The following NCALD variants were observed in gnomAD, a reference collection of about 807,000 sequenced individuals.
NCALD encodes neurocalcin delta, also known as neurocalcin-delta.
NCALD carries 10 observed loss-of-function variants against 18.6 expected under a neutral mutation model. That is an observed-to-expected ratio of 0.54 (90% CI 0.33 to 0.91). The LOEUF (loss-of-function observed/expected upper bound fraction) is 0.91, where lower values mean the gene tolerates loss of function less well. NCALD is among the 40% of genes least tolerant of loss of function. NCALD has a pLI of 0.03. For synonymous variants in NCALD, 88 were observed against 87.4 expected (o/e 1.01, Z -0.04); for missense variants, 184 against 247.6 (o/e 0.74, Z 1.72).
chr8:101,777,838 T>G (rs891342380), intron 1 of NCALD, among the ~76,000 whole-genome samples: 1 of 152,108 alleles, frequency 6.6e-6, no homozygotes, highest in African/African-American at 2.4e-5. Flanking sequence ...CAGACAGAAA[T>G]TTTAAGAAAT....
At chr8:101,978,451 G>A (rs1820503173) in intron 2 of NCALD, among the ~76,000 whole-genome samples, 1 of 152,142 alleles carries the variant, frequency 6.6e-6, no homozygotes, top group Admixed American at 6.5e-5. Flanking sequence ...ATTCTGCAAG[G>A]TGAAGACTAT....
At chr8:102,077,431 A>G (rs2132318458) in intron 1 of NCALD, among the ~76,000 whole-genome samples, 1 of 146,924 alleles carries the variant, frequency 6.8e-6, no homozygotes, top group East Asian at 1.9e-4. Context: ...TGGTGGTACC[A>G]AATGCCTCTG....
intron 1 of NCALD, among the ~76,000 whole-genome samples, chr8:102,081,573 A>AAC (rs1824536343): frequency 5.2e-5 from 4 of 77,116 alleles, no homozygotes; most frequent in African/African-American, 2.8e-4. Flanking sequence ...AAAAAAAAAA[A>AAC]AAACCCCAAA....
chr8:102,007,197 T>C (rs1821745022), intron 2 of NCALD, among the ~76,000 whole-genome samples: 1 of 152,242 alleles, frequency 6.6e-6, no homozygotes, highest in Non-Finnish European at 1.5e-5. Context: ...GTCTGTAGCT[T>C]GGTTCGTATT....
At chr8:101,779,630 T>A (rs1327560596) in intron 1 of NCALD, among the ~76,000 whole-genome samples, 2 of 152,156 alleles carry the variant, frequency 1.3e-5, no homozygotes, top group African/African-American at 2.4e-5. Flanking sequence ...CTTCATGAAC[T>A]ATATTCCTTA....
intron 4 of NCALD, among the ~76,000 whole-genome samples, chr8:101,813,584 G>T (rs1113543): frequency 0.015 from 2,322 of 152,096 alleles, 90 homozygotes; most frequent in East Asian, 0.11. Context: ...CATTTCTAAA[G>T]GTAACACATA....
chr8:101,889,307 T>A (rs1279952854), intron 3 of NCALD, among the ~76,000 whole-genome samples: 2 of 152,236 alleles, frequency 1.3e-5, no homozygotes, highest in African/African-American at 4.8e-5. Context: ...TAAATCCTAT[T>A]TGGTTAAGCC....
At chr8:101,748,849 G>A (rs1292029765) in intron 1 of NCALD, among the ~76,000 whole-genome samples, 2 of 152,142 alleles carry the variant, frequency 1.3e-5, no homozygotes, top group Non-Finnish European at 2.9e-5. Context: ...AAAACTATGG[G>A]GATAAAGAGA....
chr8:101,806,963 C>G (rs1369137337), intron 4 of NCALD, among the ~76,000 whole-genome samples: 2 of 151,856 alleles, frequency 1.3e-5, no homozygotes, highest in Non-Finnish European at 2.9e-5. Context: ...TAACAACTGA[C>G]TTAGCAGAAA....
At chr8:101,828,428 G>A (rs778321575) in intron 4 of NCALD, among the ~76,000 whole-genome samples, 4 of 152,068 alleles carry the variant, frequency 2.6e-5, no homozygotes, top group South Asian at 2.1e-4. Flanking sequence ...TCTCTTGCTC[G>A]GTAAACCCTT....
intron 3 of NCALD, among the ~76,000 whole-genome samples, chr8:101,896,091 G>T (rs867301895): frequency 6.6e-6 from 1 of 151,092 alleles, no homozygotes; most frequent in African/African-American, 2.5e-5. Context: ...AGCTGGAGGC[G>T]TCACACTACC....
At chr8:101,900,091 T>C (rs1442837090) in intron 3 of NCALD, among the ~76,000 whole-genome samples, 1 of 151,926 alleles carries the variant, frequency 6.6e-6, no homozygotes, top group Non-Finnish European at 1.5e-5. Context: ...GTATGAATTG[T>C]GGTAGTTTGT....
At chr8:101,895,487 C>A (rs1048319272) in intron 3 of NCALD, among the ~76,000 whole-genome samples, 16 of 151,526 alleles carry the variant, frequency 1.1e-4, no homozygotes, top group Admixed American at 9.8e-4. Flanking sequence ...CACTCCTGTT[C>A]AATATAGTGT....
intron 1 of NCALD, among the ~76,000 whole-genome samples, chr8:102,025,493 TA>T (rs1254522025): frequency 2.0e-5 from 3 of 152,156 alleles, no homozygotes. Context: ...TAGTACTCAA[TA>T]AAAGTTTAAA....
intron 4 of NCALD, among the ~76,000 whole-genome samples, chr8:101,831,042 G>A (rs1353569503): frequency 6.6e-6 from 1 of 152,126 alleles, no homozygotes; most frequent in Non-Finnish European, 1.5e-5. Context: ...TGGCTTGAGT[G>A]TACATGATGT....
intron 3 of NCALD, among the ~76,000 whole-genome samples, chr8:101,891,020 A>G (rs1406668740): frequency 2.0e-5 from 3 of 152,248 alleles, no homozygotes; most frequent in African/African-American, 7.2e-5. Context: ...TAGAAACATA[A>G]TGAATGAAAG....
chr8:101,708,675 C>T (rs1361356949), intron 2 of NCALD, among the ~76,000 whole-genome samples: 1 of 152,106 alleles, frequency 6.6e-6, no homozygotes, highest in African/African-American at 2.4e-5. Flanking sequence ...AAATGGATGC[C>T]AGAGATGTTC....
chr8:102,052,346 T>A, intron 1 of NCALD, among the ~76,000 whole-genome samples: 1 of 152,172 alleles, frequency 6.6e-6, no homozygotes, highest in Non-Finnish European at 1.5e-5. Flanking sequence ...ATCTAATGCA[T>A]TAGGACCTAA....
chr8:102,006,032 T>C (rs373733349), intron 2 of NCALD, among the ~76,000 whole-genome samples: 1 of 138,432 alleles, frequency 7.2e-6, no homozygotes, highest in African/African-American at 2.7e-5. Context: ...AGTATAATAA[T>C]AAAAAAAAAA....
Sources: gnomAD v4.1 joint callset for allele counts (sites outside exome capture counted in the v4.1 genomes callset) on GRCh38, gnomAD v4.1.1 for gene constraint, MANE v1.5 for transcripts, NCBI Gene and HGNC (gene_info 2026-07-23, HGNC 2026-07-21) for gene names.